PRDM16: variants seen among roughly 807,000 people sequenced by gnomAD.
PRDM16 encodes histone-lysine N-methyltransferase PRDM16.
In PRDM16, 23 loss-of-function variants were observed where a neutral mutation model predicts 110.6. That is an observed-to-expected ratio of 0.21 (90% CI 0.15 to 0.29). The LOEUF is 0.29. Ranked by LOEUF, PRDM16 falls within the 10% of genes least tolerant of loss-of-function variation. PRDM16 has a pLI of 1.00. For missense variants in PRDM16, 1,615 were observed against 1,794.3 expected (o/e 0.90, Z 1.81); for synonymous variants, 799 against 781.8 (o/e 1.02, Z -0.37).
Position 3,120,825 on chromosome 1 carries a change from G to A in PRDM16, c.37+51529G>A, listed in dbSNP as rs183153114. 6.0e-4 allele frequency among the ~76,000 whole-genome samples: 91 copies of A among 152,306 alleles called. 1 individual carries two copies. The highest frequency in any genetic ancestry group is 1.0e-3 in the Non-Finnish European group (70 of 68,018). On this transcript the variant is annotated intron_variant, in intron 1 of 16. Coordinates refer to ENST00000270722, the MANE Select transcript of PRDM16 (RefSeq NM_022114.4). ...TGGCCAAGAGTGCAAGGAGGCTGCCGGCCCCAGAAAGAACCATTAGAAGCC... is the reference window on the plus strand; with the variant it reads ...TGGCCAAGAGTGCAAGGAGGCTGCCAGCCCCAGAAAGAACCATTAGAAGCC...
At chr1:3,288,689 G>A (rs780597505) in intron 3 of PRDM16, among the ~76,000 whole-genome samples, 3 of 152,158 alleles carry the variant, frequency 2.0e-5, no homozygotes, top group Non-Finnish European at 4.4e-5. Context: ...CCAAGGTGTA[G>A]ATAAGAGAGA....
chr1:3,405,249 C>T (rs1458955175), intron 7 of PRDM16, among the ~76,000 whole-genome samples: 2 of 152,230 alleles, frequency 1.3e-5, no homozygotes, highest in African/African-American at 4.8e-5. Context: ...GCAGCCCTGT[C>T]TCACGCAGCC....
At chr1:3,198,243 C>T (rs1205471349) in intron 2 of PRDM16, among the ~76,000 whole-genome samples, 2 of 152,184 alleles carry the variant, frequency 1.3e-5, no homozygotes, top group Non-Finnish European at 2.9e-5. Context: ...GGGGCCAGGT[C>T]GGCGCAGGGC....
intron 1 of PRDM16, among the ~76,000 whole-genome samples, chr1:3,146,575 G>C (rs115333827): frequency 7.0e-6 from 1 of 143,852 alleles, no homozygotes; most frequent in Non-Finnish European, 1.5e-5. Flanking sequence ...ATGTGTGCTC[G>C]GTGTGGGGCA....
intron 2 of PRDM16, among the ~76,000 whole-genome samples, chr1:3,218,263 C>T (rs1477570518): frequency 2.6e-5 from 4 of 152,246 alleles, no homozygotes; most frequent in African/African-American, 9.6e-5. Flanking sequence ...CCTTTCATTC[C>T]GGCTTCATAT....
chr1:3,114,363 C>T (rs895184170), intron 1 of PRDM16, among the ~76,000 whole-genome samples: 5 of 138,800 alleles, frequency 3.6e-5, no homozygotes, highest in South Asian at 2.3e-4. Flanking sequence ...CATGCACACA[C>T]GCACACACGC....
At chr1:3,147,260 G>C (rs1643691800) in intron 1 of PRDM16, among the ~76,000 whole-genome samples, 1 of 152,054 alleles carries the variant, frequency 6.6e-6, no homozygotes, top group African/African-American at 2.4e-5. Flanking sequence ...GGGGCGTGAG[G>C]AGGCATCATC....
intron 4 of PRDM16, among the ~76,000 whole-genome samples, chr1:3,389,132 A>G (rs1241050855): frequency 6.6e-5 from 10 of 152,104 alleles, no homozygotes; most frequent in Non-Finnish European, 1.5e-5. Flanking sequence ...AGGACCGGCC[A>G]TGTGCTCCTC....
In PRDM16 at chr1:3,290,048, G is replaced by A. The variant is rs944157360; in HGVS notation, c.438+45911G>A. ...GCTGCTGTGCCTCCCCTGGTGGAGC[G>A]GTTTCTGGCTTTAAAAGTGTGCTCG... On this transcript the variant is annotated intron_variant, in intron 3 of 16. Coordinates refer to ENST00000270722, the MANE Select transcript of PRDM16 (RefSeq NM_022114.4). The surrounding 1 kb of genome is among the most constrained non-coding windows in gnomAD (Gnocchi z 4.8). 2.6e-5 allele frequency among the ~76,000 whole-genome samples: 4 copies of A among 152,136 alleles called. No homozygotes were observed. Among genetic ancestry groups the A allele is most frequent in the East Asian group, 1.9e-4 (1 of 5,188 alleles).
At chr1:3,182,222 C>G (rs1644219092) in intron 1 of PRDM16, among the ~76,000 whole-genome samples, 1 of 152,238 alleles carries the variant, frequency 6.6e-6, no homozygotes, top group African/African-American at 2.4e-5. Context: ...CTTGTACTCC[C>G]TCTGGCCAAG....
In PRDM16 at chr1:3,148,704, C is replaced by A. The variant is rs182988414; in HGVS notation, c.38-37421C>A. Reference sequence around the variant, plus strand: ...AGTCCAGTTTGTGTCAGAGCAGCGGCCCAAAGCCAAAGGGTGGTGAATCTG... The same window carrying A: ...AGTCCAGTTTGTGTCAGAGCAGCGGACCAAAGCCAAAGGGTGGTGAATCTG... On this transcript the variant is annotated intron_variant, in intron 1 of 16. Transcript: ENST00000270722. This position sits in a 1 kb window ranked among gnomAD's most constrained non-coding sequence, Gnocchi z 5.0. Among the ~76,000 whole-genome samples, 3 of 152,324 alleles carry A rather than the reference C, an allele frequency of 2.0e-5. No homozygotes were observed. Among genetic ancestry groups the A allele is most frequent in the Non-Finnish European group, 4.4e-5 (3 of 68,036 alleles).
At chr1:3,399,790 A>AATTTCAACTACTATGATTGTTCTTC (rs1188664325) in intron 5 of PRDM16, among the ~76,000 whole-genome samples, 2 of 152,192 alleles carry the variant, frequency 1.3e-5, no homozygotes, top group Non-Finnish European at 2.9e-5. Flanking sequence ...TTTGTTTTCA[A>AATTTCAACTACTATGATTGTTCTTC]ATTTCAACTA....
At chr1:3,347,038 A>G (rs1328209514) in intron 3 of PRDM16, among the ~76,000 whole-genome samples, 1 of 152,102 alleles carries the variant, frequency 6.6e-6, no homozygotes. Flanking sequence ...GACACCCATG[A>G]AGTAACTTGC....
intron 2 of PRDM16, among the ~76,000 whole-genome samples, chr1:3,230,102 C>T (rs541524734): frequency 6.6e-6 from 1 of 152,324 alleles, no homozygotes; most frequent in African/African-American, 2.4e-5. Context: ...CCTACAGGGT[C>T]ACTGTGAGAT....
intron 1 of PRDM16, among the ~76,000 whole-genome samples, chr1:3,132,302 A>G (rs1027977676): frequency 6.6e-6 from 1 of 152,158 alleles, no homozygotes; most frequent in African/African-American, 2.4e-5. Flanking sequence ...TCCCTGCCCA[A>G]CTGATTCTGT....
chr1:3,141,275 A>T (rs1643545069), intron 1 of PRDM16, among the ~76,000 whole-genome samples: 1 of 152,170 alleles, frequency 6.6e-6, no homozygotes, highest in Non-Finnish European at 1.5e-5. Flanking sequence ...AAACAATGTC[A>T]TCACAAGTCA....
intron 1 of PRDM16, among the ~76,000 whole-genome samples, chr1:3,182,233 A>C (rs1168999094): frequency 2.0e-5 from 3 of 152,226 alleles, no homozygotes; most frequent in African/African-American, 7.2e-5. Context: ...TCTGGCCAAG[A>C]ATCTAGGCTG....
In PRDM16 at chr1:3,190,899, G is replaced by A. The variant is rs927711474; in HGVS notation, c.387+4425G>A. On this transcript the variant is annotated intron_variant, in intron 2 of 16. Transcript: ENST00000270722. The surrounding 1 kb of genome is among the most constrained non-coding windows in gnomAD (Gnocchi z 5.0). ...GACAGCCCAGAGGGAGGAGGCCATG[G>A]GTGAGGCACTGGGGAGGCCACCTGC... 1.3e-5 allele frequency among the ~76,000 whole-genome samples: 2 copies of A among 152,208 alleles called. No individual in the cohort carries two copies. The highest frequency in any genetic ancestry group is 4.8e-5 in the African/African-American group (2 of 41,462).
intron 1 of PRDM16, among the ~76,000 whole-genome samples, chr1:3,169,445 C>A (rs918202469): frequency 6.6e-6 from 1 of 151,968 alleles, no homozygotes; most frequent in African/African-American, 2.4e-5. Flanking sequence ...GAGTGCAGGC[C>A]GAGGGGCTTG....
Sources: gnomAD v4.1 joint callset for allele counts (sites outside exome capture counted in the v4.1 genomes callset) on GRCh38, gnomAD v4.1.1 for gene constraint, Gnocchi (gnomAD v3.1) non-coding constraint, MANE v1.5 for transcripts, NCBI Gene and HGNC (gene_info 2026-07-23, HGNC 2026-07-21) for gene names.